LDAH: variants seen among roughly 807,000 people sequenced by gnomAD.
The protein encoded by LDAH is lipid droplet-associated hydrolase.
A neutral mutation model predicts 29.6 loss-of-function variants in LDAH; 26 were observed. The ratio of observed to expected loss-of-function variants is 0.88; its 90% CI spans 0.64 to 1.22. LDAH has a LOEUF of 1.22. Ranked by LOEUF, LDAH falls within the 50% of genes most tolerant of loss-of-function variation. LDAH has a pLI of 0.00. For synonymous variants in LDAH, 117 were observed against 133.0 expected (o/e 0.88, Z 0.83); for missense variants, 344 against 387.3 (o/e 0.89, Z 0.94).
At chr2:20,745,627 C>A (rs1667513893) in intron 4 of LDAH, among the ~76,000 whole-genome samples, 2 of 151,814 alleles carry the variant, frequency 1.3e-5, no homozygotes. Flanking sequence ...CATATTGTAC[C>A]AATCTATATA....
At chr2:20,718,442 A>G (rs142284080) in intron 5 of LDAH, among the ~76,000 whole-genome samples, 1 of 152,166 alleles carries the variant, frequency 6.6e-6, no homozygotes, top group Non-Finnish European at 1.5e-5. Flanking sequence ...AATTATAAAG[A>G]TATCAATTCA....
In LDAH at chr2:20,716,374, A is replaced by G. The variant is rs190614321; in HGVS notation, c.704-14722T>C. Among the ~76,000 whole-genome samples the G allele has an allele frequency of 5.3e-4, 81 of 152,216 alleles. 2 individuals carry two copies. Among genetic ancestry groups the G allele is most frequent in the African/African-American group, 1.6e-3 (66 of 41,550 alleles). On this transcript the variant is annotated intron_variant, in intron 5 of 6. Transcript: ENST00000237822. The stretch of plus-strand genomic sequence containing the variant: ...TAGATTAAGAAAATGTGGCACATCT[A>G]CACCATGGAATACTATGCAGCCATA...
chr2:20,814,785 T>G (rs1416358236), intron 1 of LDAH, among the ~76,000 whole-genome samples: 2 of 152,224 alleles, frequency 1.3e-5, no homozygotes, highest in Non-Finnish European at 2.9e-5. Context: ...TTCTCTAATT[T>G]CAAAATTCCT....
chr2:20,703,959 A>G (rs1027287576), intron 5 of LDAH, among the ~76,000 whole-genome samples: 1 of 152,220 alleles, frequency 6.6e-6, no homozygotes, highest in Admixed American at 6.5e-5. Context: ...AGATGGTGAG[A>G]AAGTGCTATG....
In LDAH at chr2:20,789,329, CAAGAA is replaced by C. The variant is rs1307863401; in HGVS notation, c.298+921_298+925del. Reference sequence around the variant, plus strand: ...TCCTGTGTCCACCACGAGAGGACAGCAAGAATGCCACCTGTGAATCGGGAAGTAGG... The same window carrying C: ...TCCTGTGTCCACCACGAGAGGACAGCTGCCACCTGTGAATCGGGAAGTAGG... On this transcript the variant is annotated intron_variant, in intron 3 of 6. Transcript: ENST00000237822. 2.5e-5 allele frequency: 39 copies of C among 1,534,224 alleles called. No individual in the cohort carries two copies. The African/African-American group carries it at 4.4e-4, about 17-fold the overall frequency.
intron 5 of LDAH, among the ~76,000 whole-genome samples, chr2:20,704,648 C>T (rs958968044): frequency 3.3e-5 from 5 of 152,090 alleles, no homozygotes; most frequent in South Asian, 2.1e-4. Flanking sequence ...AATAATAACA[C>T]GTTATCTCTG....
intron 1 of LDAH, among the ~76,000 whole-genome samples, chr2:20,814,300 A>T (rs969879370): frequency 1.3e-5 from 2 of 151,858 alleles, no homozygotes; most frequent in African/African-American, 4.8e-5. Context: ...AAACCTCAGC[A>T]GTCAATATAA....
In LDAH at chr2:20,715,183, C is replaced by T. The variant is rs530936959; in HGVS notation, c.704-13531G>A. On this transcript the variant is annotated intron_variant, in intron 5 of 6. Transcript: ENST00000237822. ...AGCACATCAAAAAGCTTATCCTCCA[C>T]GATCAAGTTGGCTTCATCCCTGGGA... 1.0e-3 allele frequency among the ~76,000 whole-genome samples: 159 copies of T among 152,302 alleles called. 2 individuals carry two copies. Among genetic ancestry groups the T allele is most frequent in the South Asian group, 2.3e-3 (11 of 4,828 alleles).
intron 2 of LDAH, among the ~76,000 whole-genome samples, chr2:20,798,762 T>C (rs1459678752): frequency 1.3e-5 from 2 of 151,584 alleles, no homozygotes; most frequent in Non-Finnish European, 2.9e-5. Context: ...AGGAAGACAA[T>C]AGATAACATC....
chr2:20,738,061 G>A (rs1666917825), intron 5 of LDAH, among the ~76,000 whole-genome samples: 1 of 151,490 alleles, frequency 6.6e-6, no homozygotes, highest in Non-Finnish European at 1.5e-5. Context: ...AGACCAGCCT[G>A]GCCTACATGG....
At position 20,801,958 on chromosome 2, in the gene LDAH, ATG is replaced by A. The variant is rs201368706; in HGVS notation, c.-2-495_-2-494del. Among the ~76,000 whole-genome samples the A allele has an allele frequency of 2.2e-3, 301 of 138,290 alleles. 3 individuals carry two copies. Among genetic ancestry groups the A allele is most frequent in the East Asian group, 5.3e-3 (25 of 4,748 alleles). The allele number at this position is 138,290 out of a possible 152,430, so 90.7% of individuals were successfully genotyped here. A position where few individuals can be genotyped will look rare whatever the true frequency, so the allele number is the denominator to read the frequency against. ...TGTGTGTGTGTGTGTGTGTGTGTGT[ATG>A]TGTGTGTGTGTGTGTGTATGTATGA... On this transcript the variant is annotated intron_variant, in intron 1 of 6. Coordinates refer to ENST00000237822, the MANE Select transcript of LDAH (RefSeq NM_021925.4).
chr2:20,701,582 C>G lies in LDAH; in HGVS notation c.774G>C (p.Glu258Asp). 6.2e-7 allele frequency: 1 copy of G among 1,613,882 alleles called. No individual in the cohort carries two copies. The highest frequency in any genetic ancestry group is 8.5e-7 in the Non-Finnish European group (1 of 1,179,806). Residue 258 changes from glutamate (E) to aspartate (D), a missense_variant, in exon 6 of 7, where the codon GAG (glutamate) becomes GAC (aspartate). Coordinates refer to ENST00000237822, the MANE Select transcript of LDAH (RefSeq NM_021925.4). ...CTAAAGTGATTACCTTACATAAATG[C>G]TCCTTTATGGTTTCGTCATCTCTCT... ...VVKRDDETIK[E>D]HLCKLTFYYG...
In LDAH at chr2:20,795,296, G is replaced by T. The variant is rs190763971; in HGVS notation, c.155-4898C>A. ...TTATACCTTCCAGTTAATTTTGTAG[G>T]GAGAGGAACGAAAACTGCCACATAT... On this transcript the variant is annotated intron_variant, in intron 2 of 6. Coordinates refer to ENST00000237822, the MANE Select transcript of LDAH (RefSeq NM_021925.4). Among the ~76,000 whole-genome samples, 243 of 152,226 alleles carry T rather than the reference G, an allele frequency of 1.6e-3. 1 individual carries two copies. The highest frequency in any genetic ancestry group is 2.6e-3 in the Non-Finnish European group (176 of 68,010).
At chr2:20,751,927 G>A (rs531262940) in intron 4 of LDAH, among the ~76,000 whole-genome samples, 250 of 152,232 alleles carry the variant, frequency 1.6e-3, no homozygotes, top group African/African-American at 5.1e-3. Context: ...TTCTTGCTCT[G>A]TTGCCCAAGC....
chr2:20,697,150 A>G (rs558768886), intron 6 of LDAH, among the ~76,000 whole-genome samples: 15 of 152,102 alleles, frequency 9.9e-5, no homozygotes, highest in Non-Finnish European at 2.2e-4. Flanking sequence ...CTCAAATACA[A>G]GTACCAAAAT....
At chr2:20,740,876 TC>T (rs1369657118) in intron 4 of LDAH, among the ~76,000 whole-genome samples, 3 of 152,330 alleles carry the variant, frequency 2.0e-5, no homozygotes, top group South Asian at 2.1e-4. Context: ...CTATTTTGAT[TC>T]CCACCAGTAA....
intron 2 of LDAH, among the ~76,000 whole-genome samples, chr2:20,791,704 T>C (rs773734722): frequency 3.0e-4 from 46 of 152,194 alleles, no homozygotes; most frequent in Non-Finnish European, 5.9e-4. Context: ...ATAACATCTA[T>C]GGAAGCTGTG....
chr2:20,727,369 T>C (rs1027769047), intron 5 of LDAH, among the ~76,000 whole-genome samples: 4 of 152,240 alleles, frequency 2.6e-5, no homozygotes, highest in Admixed American at 2.0e-4. Flanking sequence ...CTAGAAGAAA[T>C]TTATGATTCT....
chr2:20,778,244 A>C (rs1669949710), intron 3 of LDAH, among the ~76,000 whole-genome samples: 1 of 152,182 alleles, frequency 6.6e-6, no homozygotes, highest in Non-Finnish European at 1.5e-5. Flanking sequence ...TTTCTCTTAG[A>C]ACCTGAGCCT....
Sources: allele counts gnomAD v4.1 joint callset (sites outside exome capture counted in the v4.1 genomes callset), GRCh38; gene constraint gnomAD v4.1.1; transcripts MANE v1.5; gene names NCBI Gene and HGNC (gene_info 2026-07-23, HGNC 2026-07-21).